ASTN1: variants seen among roughly 807,000 people sequenced by gnomAD.
ASTN1 encodes the protein astrotactin 1.
In ASTN1, 41 loss-of-function variants were observed where a neutral mutation model predicts 140.7. That is an observed-to-expected ratio of 0.29 (90% confidence interval 0.23 to 0.38). The LOEUF (loss-of-function observed/expected upper bound fraction) is 0.38, where lower values mean the gene tolerates loss of function less well. Among genes scored for constraint, ASTN1 ranks in the 10% least tolerant of loss-of-function variants. ASTN1 has a pLI of 1.00. For missense variants in ASTN1, 1,479 were observed against 1,678.8 expected (o/e 0.88, Z 2.08); for synonymous variants, 640 against 652.2 (o/e 0.98, Z 0.29).
chr1:177,016,313 TAAA>T (rs35104433), intron 7 of ASTN1, among the ~76,000 whole-genome samples: 19 of 127,136 alleles, frequency 1.5e-4, no homozygotes, highest in Admixed American at 2.4e-4. Context: ...TCTTCATTTG[TAAA>T]AAAAAAAAAA....
intron 2 of ASTN1, among the ~76,000 whole-genome samples, chr1:177,055,685 ATC>A (rs1677766710): frequency 6.6e-6 from 1 of 152,146 alleles, no homozygotes; most frequent in Non-Finnish European, 1.5e-5. Context: ...TTATTACTCT[ATC>A]TCTGTCCTTT....
intron 21 of ASTN1, among the ~76,000 whole-genome samples, chr1:176,872,691 T>C (rs182235943): frequency 3.9e-5 from 6 of 152,250 alleles, no homozygotes; most frequent in Non-Finnish European, 4.4e-5. Context: ...CCCCACACTC[T>C]TGGAGCTCCT....
At chr1:176,958,522 C>G (rs1346317797) in intron 9 of ASTN1, 40 bp from the exon 10 acceptor site, 2 of 1,569,512 alleles carry the variant, frequency 1.3e-6, no homozygotes, top group Admixed American at 3.7e-5. Context: ...TGACTGGGGG[C>G]ATAACCACTC....
At chr1:176,882,107 C>G in intron 20 of ASTN1, among the ~76,000 whole-genome samples, 1 of 152,148 alleles carries the variant, frequency 6.6e-6, no homozygotes, top group East Asian at 1.9e-4. Context: ...ACAATTGTTT[C>G]CAGAGCACAG....
intron 21 of ASTN1, among the ~76,000 whole-genome samples, chr1:176,871,578 C>G (rs914306702): frequency 1.3e-5 from 2 of 152,152 alleles, no homozygotes; most frequent in African/African-American, 4.8e-5. Flanking sequence ...TTTCCACCAC[C>G]AATCTCCTAA....
In ASTN1 at chr1:177,046,465, A is replaced by T. The variant is rs114189481; in HGVS notation, c.472-13616T>A. ...AGCAGCCACTGAGGACAGGAAAATG[A>T]GGAGCTGTTGGCTTTGCCCAGAAGG... On this transcript the variant is annotated intron_variant, in intron 2 of 22. Transcript: ENST00000361833. 5.9e-3 allele frequency among the ~76,000 whole-genome samples: 893 copies of T among 152,266 alleles called. 8 individuals are homozygous for T. Among genetic ancestry groups the T allele is most frequent in the African/African-American group, 0.021 (853 of 41,528 alleles).
At chr1:177,110,686 CATTT>C (rs1374404487) in intron 1 of ASTN1, among the ~76,000 whole-genome samples, 17 of 152,176 alleles carry the variant, frequency 1.1e-4, no homozygotes. Context: ...TTATCAGCTG[CATTT>C]TCTAGATAAG....
intron 9 of ASTN1, among the ~76,000 whole-genome samples, chr1:176,958,933 C>A (rs1049323533): frequency 6.6e-6 from 1 of 152,142 alleles, no homozygotes; most frequent in African/African-American, 2.4e-5. Context: ...AGAAAGAAAG[C>A]ACCCCTTTAC....
At chr1:177,012,124 T>A (rs1051532526) in intron 8 of ASTN1, among the ~76,000 whole-genome samples, 11 of 152,210 alleles carry the variant, frequency 7.2e-5, no homozygotes, top group Non-Finnish European at 1.6e-4. Context: ...GACATACCAT[T>A]GATTTTTCCA....
chr1:176,947,194 A>G (rs1671995050), intron 12 of ASTN1, among the ~76,000 whole-genome samples: 1 of 152,234 alleles, frequency 6.6e-6, no homozygotes, highest in African/African-American at 2.4e-5. Flanking sequence ...CCAAAACTGT[A>G]GAAATGGGAA....
chr1:176,950,147 T>C (rs893286136), intron 11 of ASTN1, among the ~76,000 whole-genome samples: 32 of 152,230 alleles, frequency 2.1e-4, no homozygotes, highest in Admixed American at 3.9e-4. Context: ...CAAAAGGACT[T>C]GGTGAGCAAT....
At chr1:176,934,390 T>C in intron 15 of ASTN1, 50 bp from the exon 16 acceptor site, 1 of 1,521,336 alleles carries the variant, frequency 6.6e-7, no homozygotes. Flanking sequence ...AGATTTTGGG[T>C]ATACGGATTC....
intron 1 of ASTN1, among the ~76,000 whole-genome samples, chr1:177,118,997 C>T (rs1359259459): frequency 6.6e-6 from 1 of 152,150 alleles, no homozygotes; most frequent in Non-Finnish European, 1.5e-5. Context: ...ACATTTTCCA[C>T]CTGGAAAACT....
At chr1:177,075,797 C>T (rs1678873365) in intron 1 of ASTN1, among the ~76,000 whole-genome samples, 1 of 151,852 alleles carries the variant, frequency 6.6e-6, no homozygotes, top group African/African-American at 2.4e-5. Context: ...CAGATGTGCA[C>T]TGGTGAGCCT....
intron 21 of ASTN1, among the ~76,000 whole-genome samples, chr1:176,870,582 T>C (rs1276082169): frequency 2.0e-5 from 3 of 152,200 alleles, no homozygotes; most frequent in Non-Finnish European, 4.4e-5. Context: ...CCTGAATGAA[T>C]AGAACTTAAA....
At chr1:176,903,912 T>C (rs1428836431) in intron 16 of ASTN1, among the ~76,000 whole-genome samples, 2 of 152,202 alleles carry the variant, frequency 1.3e-5, no homozygotes, top group South Asian at 4.1e-4. Context: ...CAGCTGTCCT[T>C]GGCACTCCTT....
At chr1:176,986,385 G>A (rs1219946903) in intron 8 of ASTN1, among the ~76,000 whole-genome samples, 1 of 152,118 alleles carries the variant, frequency 6.6e-6, no homozygotes, top group Non-Finnish European at 1.5e-5. Context: ...CCAGATTGAC[G>A]TACATTTCTG....
At chr1:176,999,550 GT>G (rs1423766270) in intron 8 of ASTN1, among the ~76,000 whole-genome samples, 1 of 152,240 alleles carries the variant, frequency 6.6e-6, no homozygotes, top group Non-Finnish European at 1.5e-5. Flanking sequence ...AAGGGGTTAA[GT>G]TCAACCTTCA....
chr1:177,105,535 T>C (rs909017160), intron 1 of ASTN1, among the ~76,000 whole-genome samples: 4 of 152,096 alleles, frequency 2.6e-5, no homozygotes, highest in African/African-American at 9.7e-5. Flanking sequence ...GGAAATGTTC[T>C]GTGGCGATTT....
Sources: gnomAD v4.1 joint callset for allele counts (sites outside exome capture counted in the v4.1 genomes callset) on GRCh38, gnomAD v4.1.1 for gene constraint, MANE v1.5 for transcripts, NCBI Gene and HGNC (gene_info 2026-07-23, HGNC 2026-07-21) for gene names.